The following ABCB5 variants were observed in gnomAD, a reference collection of about 807,000 sequenced individuals.
ABCB5 encodes ATP binding cassette subfamily B member 5.
ABCB5 carries 155 observed loss-of-function variants against 144.2 expected under a neutral mutation model. The ratio of observed to expected loss-of-function variants is 1.08; its 90% CI spans 0.94 to 1.23. The LOEUF is 1.23. Ranked by LOEUF, ABCB5 falls within the 50% of genes most tolerant of loss-of-function variation. The probability of loss-of-function intolerance (pLI) is 0.00; values close to 1 mark genes in which losing one functional copy is unlikely to be tolerated. For missense variants in ABCB5, 1,830 were observed against 1,520.8 expected, an observed-to-expected ratio of 1.20 and a Z score of -3.38; for synonymous variants, 610 against 528.6, an observed-to-expected ratio of 1.15 and a Z score of -2.11.
intron 26 of ABCB5, among the ~76,000 whole-genome samples, chr7:20,751,680 C>T (rs1288888673): frequency 6.6e-6 from 1 of 152,136 alleles, no homozygotes; most frequent in Non-Finnish European, 1.5e-5. Context: ...TTCCCACCTC[C>T]CTTCCCAATT....
At chr7:20,682,529 G>A (rs551517552) in intron 15 of ABCB5, among the ~76,000 whole-genome samples, 23 of 152,198 alleles carry the variant, frequency 1.5e-4, no homozygotes, top group African/African-American at 4.6e-4. Context: ...CTTGGTGTGC[G>A]ACTGAAACAA....
At chr7:20,714,623 C>T (rs7781367) in intron 20 of ABCB5, among the ~76,000 whole-genome samples, 110,377 of 152,024 alleles carry the variant, frequency 0.73, 41,197 homozygotes, top group East Asian at 0.95. Flanking sequence ...TGTTCTCGGT[C>T]GCACTGACTG....
intron 4 of ABCB5, 76 bp from the exon 5 acceptor site, chr7:20,631,983 T>C: frequency 1.1e-6 from 1 of 904,416 alleles, no homozygotes; most frequent in South Asian, 2.1e-5. Flanking sequence ...TATATTTGGT[T>C]TGGAGGGCTA....
At chr7:20,726,358 C>CTTTTTTTTTTTTTTTTTT (rs1172285058) in intron 21 of ABCB5, among the ~76,000 whole-genome samples, 2 of 78,420 alleles carry the variant, frequency 2.6e-5, no homozygotes, top group Non-Finnish European at 4.4e-5. Context: ...TCTCTGCTAT[C>CTTTTTTTTTTTTTTTTTT]TTTTTTTTTT....
chr7:20,698,256 G>T, intron 16 of ABCB5, 151 bp from the exon 17 acceptor site: 2 of 568,932 alleles, frequency 3.5e-6, no homozygotes, highest in Non-Finnish European at 2.7e-6. Context: ...TTAATAATAC[G>T]GGCAGTGAAT....
intron 26 of ABCB5, among the ~76,000 whole-genome samples, chr7:20,745,904 G>T (rs1465564792): frequency 1.3e-5 from 2 of 152,160 alleles, no homozygotes; most frequent in East Asian, 3.9e-4. Flanking sequence ...CCATGGGGAG[G>T]GGCTGCTGAA....
intron 20 of ABCB5, among the ~76,000 whole-genome samples, chr7:20,710,365 C>T (rs1378422925): frequency 2.1e-5 from 1 of 46,738 alleles, no homozygotes; most frequent in African/African-American, 1.1e-4. Context: ...GAAACTCCAC[C>T]TCAAAAAAAA....
intron 1 of ABCB5, among the ~76,000 whole-genome samples, chr7:20,617,698 C>G (rs207467712): frequency 6.6e-6 from 1 of 152,116 alleles, no homozygotes; most frequent in Admixed American, 6.5e-5. Flanking sequence ...AATATATAAT[C>G]TAACTGTATG....
chr7:20,732,171 G>A (rs1323874938), intron 23 of ABCB5, among the ~76,000 whole-genome samples: 2 of 152,122 alleles, frequency 1.3e-5, no homozygotes, highest in African/African-American at 2.4e-5. Flanking sequence ...CCCCATTGCA[G>A]GGTCTTCACA....
At chr7:20,637,760 C>G (rs1210161982) in intron 5 of ABCB5, among the ~76,000 whole-genome samples, 1 of 152,078 alleles carries the variant, frequency 6.6e-6, no homozygotes, top group Non-Finnish European at 1.5e-5. Context: ...GCAACTTAAT[C>G]CTTTTCTTTT....
chr7:20,734,878 C>G (rs1177918726), intron 23 of ABCB5, among the ~76,000 whole-genome samples: 1 of 152,194 alleles, frequency 6.6e-6, no homozygotes, highest in African/African-American at 2.4e-5. Flanking sequence ...GTAACACATT[C>G]TATTTGTTAT....
At chr7:20,633,607 T>G (rs967160709) in intron 5 of ABCB5, among the ~76,000 whole-genome samples, 10 of 152,144 alleles carry the variant, frequency 6.6e-5, no homozygotes, top group African/African-American at 1.9e-4. Context: ...TGTCGTTTCT[T>G]CGTATTGGGA....
chr7:20,690,439 T>C (rs768182539), intron 16 of ABCB5, among the ~76,000 whole-genome samples: 42 of 152,346 alleles, frequency 2.8e-4, no homozygotes, highest in Non-Finnish European at 4.7e-4. Context: ...TTAGTATATT[T>C]ACACATTTCT....
rs116082024 is a variant in ABCB5 at position 20,636,828 on chromosome 7, T to C, written c.314+4715T>C. Among the ~76,000 whole-genome samples the C allele has an allele frequency of 3.9e-3, 584 of 150,386 alleles. 2 individuals carry two copies. The highest frequency in any genetic ancestry group is 0.014 in the African/African-American group (564 of 41,130). The stretch of plus-strand genomic sequence containing the variant: ...AGGAAGGAAGGAATTACCTATAATA[T>C]TCAGTACATTATTATTAATTATAAC... On this transcript the variant is annotated intron_variant, in intron 5 of 27. Transcript: ENST00000404938.
At chr7:20,662,716 T>C (rs955615790) in intron 14 of ABCB5, among the ~76,000 whole-genome samples, 2 of 151,632 alleles carry the variant, frequency 1.3e-5, no homozygotes, top group Non-Finnish European at 3.0e-5. Context: ...TTAATCAAGC[T>C]CACATTTGTA....
chr7:20,630,049 T>C (rs945245729), intron 4 of ABCB5, among the ~76,000 whole-genome samples: 6 of 149,586 alleles, frequency 4.0e-5, no homozygotes, highest in Non-Finnish European at 5.9e-5. Flanking sequence ...TAGCCTCCTA[T>C]TTCAGGGTCA....
At chr7:20,755,315 G>C in intron 27 of ABCB5, 112 bp from the exon 28 acceptor site, 1 of 873,750 alleles carries the variant, frequency 1.1e-6, no homozygotes, top group Middle Eastern at 3.1e-4. Flanking sequence ...GTTCCTTTGG[G>C]GACAAGCAAA....
intron 23 of ABCB5, among the ~76,000 whole-genome samples, chr7:20,730,438 G>C (rs1782171472): frequency 6.6e-6 from 1 of 152,168 alleles, no homozygotes; most frequent in Non-Finnish European, 1.5e-5. Flanking sequence ...GACCCGAGGA[G>C]GCAGAGGTTG....
intron 19 of ABCB5, among the ~76,000 whole-genome samples, chr7:20,704,423 A>C (rs1483659630): frequency 6.6e-6 from 1 of 152,192 alleles, no homozygotes; most frequent in Admixed American, 6.5e-5. Flanking sequence ...GACTTATGGA[A>C]TAAAATTACA....
Sources: gnomAD v4.1 joint callset for allele counts (sites outside exome capture counted in the v4.1 genomes callset) on GRCh38, gnomAD v4.1.1 for gene constraint, MANE v1.5 for transcripts, NCBI Gene and HGNC (gene_info 2026-07-23, HGNC 2026-07-21) for gene names.